The following RHOT1 variants were observed in gnomAD, a reference collection of about 807,000 sequenced individuals.
The protein encoded by RHOT1 is mitochondrial Rho GTPase 1.
Under a neutral mutation model 95.3 loss-of-function variants are expected in RHOT1, and 27 were observed. That is an observed-to-expected ratio of 0.28 (90% CI 0.21 to 0.39). The LOEUF is 0.39. RHOT1 is among the 10% of genes least tolerant of loss of function. The pLI is 1.00. For synonymous variants in RHOT1, 227 were observed against 263.5 expected, an observed-to-expected ratio of 0.86 and a Z score of 1.34; for missense variants, 578 against 786.7, an observed-to-expected ratio of 0.73 and a Z score of 3.17.
chr17:32,177,861 G>A (rs1309560364), intron 6 of RHOT1, among the ~76,000 whole-genome samples: 1 of 141,604 alleles, frequency 7.1e-6, no homozygotes, highest in Non-Finnish European at 1.5e-5. Flanking sequence ...TTTCCACTCT[G>A]TTGCCCAGGC....
At chr17:32,197,793 G>A (rs1262855089) in intron 11 of RHOT1, among the ~76,000 whole-genome samples, 1 of 151,860 alleles carries the variant, frequency 6.6e-6, no homozygotes, top group Non-Finnish European at 1.5e-5. Context: ...GGCTGGTCTC[G>A]AACTCCTGAC....
intron 10 of RHOT1, 60 bp from the exon 11 acceptor site, chr17:32,193,927 T>C: frequency 6.3e-7 from 1 of 1,580,748 alleles, no homozygotes; most frequent in Non-Finnish European, 8.6e-7. Flanking sequence ...TGCCATTATG[T>C]TACATGCTTT....
chr17:32,174,840 A>G (rs189125698), intron 3 of RHOT1, among the ~76,000 whole-genome samples: 5 of 152,326 alleles, frequency 3.3e-5, no homozygotes, highest in Admixed American at 2.6e-4. Flanking sequence ...GATACATGCT[A>G]GAGAGGGAAT....
intron 11 of RHOT1, among the ~76,000 whole-genome samples, chr17:32,194,533 G>A (rs1417874710): frequency 1.3e-5 from 2 of 152,166 alleles, no homozygotes; most frequent in Admixed American, 1.3e-4. Context: ...AGAAATTGCC[G>A]AATGTACCCT....
chr17:32,180,509 C>G (rs1219012344), intron 6 of RHOT1, among the ~76,000 whole-genome samples: 1 of 151,822 alleles, frequency 6.6e-6, no homozygotes, highest in Non-Finnish European at 1.5e-5. Flanking sequence ...CCCAGGGACA[C>G]AAACACTGTG....
At chr17:32,155,498 T>C (rs78887894) in intron 1 of RHOT1, among the ~76,000 whole-genome samples, 2 of 149,950 alleles carry the variant, frequency 1.3e-5, no homozygotes, top group African/African-American at 4.9e-5. Context: ...TTTCTTTCTT[T>C]TTTTTTTTTT....
chr17:32,162,929 G>A (rs1486491215), intron 1 of RHOT1, among the ~76,000 whole-genome samples: 1 of 152,172 alleles, frequency 6.6e-6, no homozygotes, highest in Admixed American at 6.5e-5. Context: ...AAGCAGGAAT[G>A]ATGTTTAGAT....
chr17:32,213,211 T>C (rs1291294565), intron 19 of RHOT1, among the ~76,000 whole-genome samples: 1 of 152,248 alleles, frequency 6.6e-6, no homozygotes, highest in Non-Finnish European at 1.5e-5. Flanking sequence ...TACATATATA[T>C]CTCTATTAAA....
At chr17:32,215,635 G>T (rs1237935562) in intron 19 of RHOT1, among the ~76,000 whole-genome samples, 1 of 152,090 alleles carries the variant, frequency 6.6e-6, no homozygotes, top group Non-Finnish European at 1.5e-5. Flanking sequence ...GTTTCAAGAG[G>T]TTAATTTCTG....
intron 19 of RHOT1, among the ~76,000 whole-genome samples, chr17:32,223,602 A>G (rs2142976640): frequency 6.6e-6 from 1 of 151,652 alleles, no homozygotes; most frequent in South Asian, 2.1e-4. Context: ...TTTAGTAGAG[A>G]CGGGGTTTCA....
At chr17:32,204,403 A>G (rs1389500310) in intron 16 of RHOT1, among the ~76,000 whole-genome samples, 3 of 151,994 alleles carry the variant, frequency 2.0e-5, no homozygotes, top group Admixed American at 1.3e-4. Flanking sequence ...ATACAAAATT[A>G]GCCGGGCATG....
chr17:32,171,140 T>C (rs1364670401), intron 2 of RHOT1, 39 bp downstream of exon 2: 1 of 1,354,370 alleles, frequency 7.4e-7, no homozygotes, highest in South Asian at 1.3e-5. Flanking sequence ...TTTAAAAAAT[T>C]TATCAAAATC....
At chr17:32,197,686 C>T (rs2037005569) in intron 11 of RHOT1, among the ~76,000 whole-genome samples, 2 of 152,172 alleles carry the variant, frequency 1.3e-5, no homozygotes, top group Non-Finnish European at 2.9e-5. Context: ...CCTCGGCCTC[C>T]CAAAGTACTG....
At chr17:32,204,688 A>G (rs1484772855) in intron 16 of RHOT1, among the ~76,000 whole-genome samples, 3 of 151,258 alleles carry the variant, frequency 2.0e-5, no homozygotes, top group Non-Finnish European at 4.4e-5. Context: ...TACCACAATA[A>G]GAAAGTTGAG....
chr17:32,184,505 T>G (rs1200193036), intron 8 of RHOT1, among the ~76,000 whole-genome samples: 1 of 152,102 alleles, frequency 6.6e-6, no homozygotes, highest in Non-Finnish European at 1.5e-5. Context: ...TTTTTTTATT[T>G]TTTGAGGCAG....
chr17:32,199,582 GT>G, intron 13 of RHOT1, 32 bp downstream of exon 13: 1 of 1,521,030 alleles, frequency 6.6e-7, no homozygotes, highest in Non-Finnish European at 8.8e-7. Context: ...TTCCTCTAGA[GT>G]TACAAATAGT....
intron 1 of RHOT1, among the ~76,000 whole-genome samples, chr17:32,154,763 C>T (rs898637723): frequency 7.3e-5 from 11 of 151,642 alleles, no homozygotes; most frequent in African/African-American, 2.4e-4. Context: ...GGCATGGTGG[C>T]ACATGCCTGT....
intron 1 of RHOT1, among the ~76,000 whole-genome samples, chr17:32,170,152 C>T (rs747524418): frequency 2.0e-5 from 3 of 152,164 alleles, no homozygotes; most frequent in Non-Finnish European, 4.4e-5. Context: ...CGGTAGCTCA[C>T]GCCTGTAATC....
rs1268322052 is a variant in RHOT1, at chr17:32,200,790, G to A, written c.1101-166G>A. 6.7e-5 allele frequency among the ~76,000 whole-genome samples: 10 copies of A among 150,220 alleles called. No homozygotes were observed. In the East Asian group the frequency reaches 1.8e-3, roughly 26 times the overall value. On this transcript the variant is annotated intron_variant, in intron 13 of 19. Coordinates refer to ENST00000545287, the MANE Select transcript of RHOT1 (RefSeq NM_001033566.3). Reference sequence around the variant, plus strand: ...CCCTATCTTTCAAAAAAAAAAAAAAGAATGGCAGTGTAAGAAAAACTATGG... The same window carrying A: ...CCCTATCTTTCAAAAAAAAAAAAAAAAATGGCAGTGTAAGAAAAACTATGG...
Sources: gnomAD v4.1 joint callset for allele counts (sites outside exome capture counted in the v4.1 genomes callset) on GRCh38, gnomAD v4.1.1 for gene constraint, MANE v1.5 for transcripts, NCBI Gene and HGNC (gene_info 2026-07-23, HGNC 2026-07-21) for gene names.